The following SYT14 variants were observed in gnomAD, a reference collection of about 807,000 sequenced individuals.
The protein encoded by SYT14 is synaptotagmin-14.
SYT14 carries 32 observed loss-of-function variants against 74.2 expected under a neutral mutation model. That is an observed-to-expected ratio of 0.43 (90% CI 0.33 to 0.58). SYT14 has a LOEUF of 0.58. SYT14 is among the 20% of genes least tolerant of loss of function. The probability of loss-of-function intolerance (pLI) is 0.05; values close to 1 mark genes in which losing one functional copy is unlikely to be tolerated. For missense variants in SYT14, 791 were observed against 981.8 expected (o/e 0.81, Z 2.60); for synonymous variants, 298 against 337.7 (o/e 0.88, Z 1.29).
intron 2 of SYT14, among the ~76,000 whole-genome samples, chr1:209,969,135 T>G (rs1180091826): frequency 6.6e-6 from 1 of 152,178 alleles, no homozygotes. Context: ...TTTTCTTTAT[T>G]CAATCCACTG....
At chr1:210,162,286 A>G in exon 10 of SYT14, 1 of 440,784 alleles carries the variant, frequency 2.3e-6, no homozygotes, top group Admixed American at 2.5e-5. Context: ...TGTATTTGCA[A>G]AATTAAGCCT....
intron 5 of SYT14, among the ~76,000 whole-genome samples, chr1:210,085,743 T>C (rs1427779078): frequency 6.6e-6 from 1 of 152,224 alleles, no homozygotes; most frequent in Non-Finnish European, 1.5e-5. Context: ...TCCAAGTTGA[T>C]TGTGATATGG....
rs554666522 is a variant in SYT14, at chr1:210,012,687, A to T, written c.-485-946A>T. ...AGTAATATATCCGTGCATCAGATAT[A>T]ACCTTTTTCTTTCTTTCTTTCTTTT... On this transcript the variant is annotated intron_variant, in intron 2 of 9. Coordinates refer to ENST00000637265, the Ensembl canonical transcript of SYT14. 2.0e-5 allele frequency among the ~76,000 whole-genome samples: 3 copies of T among 152,094 alleles called. No individual in the cohort carries two copies. In the South Asian group the frequency reaches 6.2e-4, roughly 32 times the overall value.
intron 6 of SYT14, among the ~76,000 whole-genome samples, chr1:210,096,612 T>C (rs2081971185): frequency 6.6e-6 from 1 of 152,182 alleles, no homozygotes; most frequent in Non-Finnish European, 1.5e-5. Context: ...AGGACCAGAG[T>C]TGAAATTTGA....
chr1:210,144,818 A>G (rs1169989034), intron 7 of SYT14, among the ~76,000 whole-genome samples: 3 of 152,204 alleles, frequency 2.0e-5, no homozygotes, highest in Non-Finnish European at 2.9e-5. Flanking sequence ...GGATATATCA[A>G]CTTGTGTAGG....
chr1:210,027,831 C>T (rs887809832), intron 5 of SYT14, among the ~76,000 whole-genome samples: 1 of 151,974 alleles, frequency 6.6e-6, no homozygotes, highest in South Asian at 2.1e-4. Flanking sequence ...TAATTCCTCC[C>T]AATAGTGTAG....
Position 209,992,135 on chromosome 1 carries a change from A to T in SYT14, c.-485-21498A>T, listed in dbSNP as rs568145928. Among the ~76,000 whole-genome samples the T allele has an allele frequency of 3.3e-5, 5 of 151,762 alleles. No homozygotes were observed. The South Asian group carries it at 1.0e-3, about 32-fold the overall frequency. On this transcript the variant is annotated intron_variant, in intron 2 of 9. Transcript: ENST00000637265. Reference sequence around the variant, plus strand: ...ACCAATAGATGACTGGATAAAGAAAATTTTTTTTTGTTGTTGTTGTTTTTG... The same window carrying T: ...ACCAATAGATGACTGGATAAAGAAATTTTTTTTTTGTTGTTGTTGTTTTTG...
chr1:209,959,154 T>G (rs929786702), intron 2 of SYT14, among the ~76,000 whole-genome samples: 5 of 152,094 alleles, frequency 3.3e-5, no homozygotes, highest in Admixed American at 2.0e-4. Context: ...ATTATTATTA[T>G]TTTTTTGAGA....
At chr1:210,007,712 G>A (rs2080014724) in intron 2 of SYT14, among the ~76,000 whole-genome samples, 1 of 151,996 alleles carries the variant, frequency 6.6e-6, no homozygotes. Context: ...TTTATATGCA[G>A]GTTGGCATAC....
intron 7 of SYT14, among the ~76,000 whole-genome samples, chr1:210,146,868 T>C (rs1348873329): frequency 6.6e-6 from 1 of 151,710 alleles, no homozygotes; most frequent in Non-Finnish European, 1.5e-5. Flanking sequence ...ACTATATGTA[T>C]GTAGTATATA....
At chr1:209,994,130 G>A (rs1290175821) in intron 2 of SYT14, among the ~76,000 whole-genome samples, 2 of 152,138 alleles carry the variant, frequency 1.3e-5, no homozygotes, top group African/African-American at 4.8e-5. Context: ...TAGTTCCCCA[G>A]CAATGGTTCT....
At chr1:210,152,913 T>C (rs1010824967) in intron 7 of SYT14, among the ~76,000 whole-genome samples, 4 of 152,208 alleles carry the variant, frequency 2.6e-5, no homozygotes, top group Non-Finnish European at 4.4e-5. Flanking sequence ...AATGGAATTA[T>C]GCAGCTGGTA....
At chr1:209,984,682 A>G (rs1302848797) in intron 2 of SYT14, among the ~76,000 whole-genome samples, 1 of 152,158 alleles carries the variant, frequency 6.6e-6, no homozygotes, top group African/African-American at 2.4e-5. Context: ...TTCTACTGCT[A>G]TAAATACCTG....
chr1:209,983,139 G>C (rs1042732816), intron 2 of SYT14, among the ~76,000 whole-genome samples: 1 of 151,864 alleles, frequency 6.6e-6, no homozygotes, highest in Admixed American at 6.6e-5. Context: ...CCTGTAATCT[G>C]TAGCTTGTCT....
At chr1:209,973,718 A>G (rs2079302128) in intron 2 of SYT14, among the ~76,000 whole-genome samples, 1 of 152,210 alleles carries the variant, frequency 6.6e-6, no homozygotes, top group Non-Finnish European at 1.5e-5. Flanking sequence ...TCCTTTGGGT[A>G]TATACCCAGT....
intron 5 of SYT14, among the ~76,000 whole-genome samples, chr1:210,080,371 C>G (rs756050318): frequency 6.6e-6 from 1 of 152,138 alleles, no homozygotes; most frequent in Non-Finnish European, 1.5e-5. Context: ...TAATTGTTTT[C>G]TTGGCTTTTT....
chr1:210,131,132 A>G (rs976484556), intron 7 of SYT14, among the ~76,000 whole-genome samples: 7 of 152,214 alleles, frequency 4.6e-5, no homozygotes, highest in African/African-American at 1.7e-4. Context: ...TGGTTAGCAC[A>G]GTTCCTGGGA....
intron 2 of SYT14, among the ~76,000 whole-genome samples, chr1:209,985,385 C>T (rs1244301843): frequency 6.6e-6 from 1 of 152,240 alleles, no homozygotes; most frequent in Non-Finnish European, 1.5e-5. Context: ...TCCTCTTTGA[C>T]TCCACGTCCT....
chr1:210,089,971 C>A (rs1030162997), intron 5 of SYT14, among the ~76,000 whole-genome samples: 1 of 152,172 alleles, frequency 6.6e-6, no homozygotes, highest in African/African-American at 2.4e-5. Flanking sequence ...TGGCTACATC[C>A]TATGTAATGA....
Sources: allele counts gnomAD v4.1 joint callset (sites outside exome capture counted in the v4.1 genomes callset), GRCh38; gene constraint gnomAD v4.1.1; transcripts MANE v1.5; gene names NCBI Gene and HGNC (gene_info 2026-07-23, HGNC 2026-07-21).